The following IL13RA1 variants were observed in gnomAD, a reference collection of about 807,000 sequenced individuals.
IL13RA1 encodes interleukin 13 receptor subunit alpha 1, also known as interleukin-13 receptor subunit alpha-1.
A neutral mutation model predicts 33.8 loss-of-function variants in IL13RA1; 14 were observed. The observed-to-expected ratio is 0.41, with a 90% CI of 0.27 to 0.65. The LOEUF is 0.65. IL13RA1 is among the 30% of genes least tolerant of loss of function. The pLI is 0.28. For missense variants in IL13RA1, 313 were observed against 327.0 expected, an observed-to-expected ratio of 0.96 and a Z score of 0.33; for synonymous variants, 116 against 115.7, an observed-to-expected ratio of 1.00 and a Z score of -0.02.
intron 10 of IL13RA1, among the ~76,000 whole-genome samples, chrX:118,784,147 ACG>A (rs1304905139): frequency 1.6e-4 from 14 of 89,491 alleles, no homozygotes; most frequent in African/African-American, 2.1e-4. Context: ...ATATATATAT[ACG>A]TATATACACA....
chrX:118,739,749 T>G (rs2017321877), intron 1 of IL13RA1, among the ~76,000 whole-genome samples: 1 of 110,882 alleles, frequency 9.0e-6, no homozygotes, highest in African/African-American at 3.3e-5. Flanking sequence ...CTCTTCAGAT[T>G]AGTCAAAGCT....
intron 10 of IL13RA1, among the ~76,000 whole-genome samples, chrX:118,785,235 C>T (rs983546079): frequency 9.0e-6 from 1 of 110,715 alleles, no homozygotes. Context: ...ATAGCTGGGA[C>T]AGGCATGTGC....
chrX:118,800,011 T>G, the IL13RA1 span, among the ~76,000 whole-genome samples: 4 of 103,168 alleles, frequency 3.9e-5, no homozygotes, highest in South Asian at 4.7e-4. Flanking sequence ...CACCCTGTGT[T>G]TAGCTCAAGG....
Position 118,749,753 on chromosome X carries a change from G to A in IL13RA1, c.463G>A (p.Asp155Asn), listed in dbSNP as rs762448978. The stretch of plus-strand genomic sequence containing the variant: ...GCTCCCTGGAAGGAATACCAGTCCC[G>A]ACACTAACTATACTCTCTACTATTG... ...SWLPGRNTSP[D>N]TNYTLYYWHR... The change falls in exon 4 of 11, where the codon GAC (aspartate) becomes AAC (asparagine). Residue 155 changes from aspartate (D) to asparagine (N), a missense_variant. Transcript: ENST00000371666. The A allele has an allele frequency of 9.5e-6, 11 of 1,161,906 alleles. No individual in the cohort carries two copies. Among genetic ancestry groups the A allele is most frequent in the African/African-American group, 8.9e-5 (5 of 56,041 alleles).
the IL13RA1 span, among the ~76,000 whole-genome samples, chrX:118,804,079 C>T: frequency 8.4e-5 from 9 of 107,461 alleles, no homozygotes; most frequent in Non-Finnish European, 1.7e-4. Flanking sequence ...GCCTCAACCT[C>T]TCAAGTAGCT....
intron 10 of IL13RA1, among the ~76,000 whole-genome samples, chrX:118,787,173 T>C (rs1044794925): frequency 8.9e-6 from 1 of 111,761 alleles, no homozygotes; most frequent in Non-Finnish European, 1.9e-5. Context: ...CGTAAGTTCT[T>C]TTCTATTTTC....
At chrX:118,745,379 T>G (rs1039879446) in intron 2 of IL13RA1, among the ~76,000 whole-genome samples, 4 of 111,362 alleles carry the variant, frequency 3.6e-5, no homozygotes, top group African/African-American at 1.3e-4. Flanking sequence ...TGTATCACCC[T>G]CTTTTTCCTG....
chrX:118,803,978 CAG>C, the IL13RA1 span, among the ~76,000 whole-genome samples: 51 of 68,846 alleles, frequency 7.4e-4, no homozygotes, highest in African/African-American at 2.6e-3. Context: ...TTTTTTTTGA[CAG>C]AGTTTTGCTC....
chrX:118,793,264 G>C lies in IL13RA1; in HGVS notation c.*1410G>C, dbSNP rs2017996785. On this transcript the variant is annotated 3_prime_UTR_variant, in exon 11 of 11. Coordinates refer to ENST00000371666, the MANE Select transcript of IL13RA1 (RefSeq NM_001560.3). ...GCATATTTTGTAACTTCCATGTGAG[G>C]GTTTTCAGCATTGATATTTGTGCAT... 8.9e-6 allele frequency: 1 copy of C among 112,093 alleles called. No individual in the cohort carries two copies. The highest frequency in any genetic ancestry group is 1.9e-5 in the Non-Finnish European group (1 of 53,184). 9.2% of individuals were successfully genotyped at this position (112,093 alleles called of 1,213,427 possible).
chrX:118,736,533 GT>G (rs751053252), intron 1 of IL13RA1, among the ~76,000 whole-genome samples: 15 of 111,645 alleles, frequency 1.3e-4, no homozygotes, highest in African/African-American at 4.9e-4. Flanking sequence ...GTCTTCTCAG[GT>G]TTTTTTCTGG....
the IL13RA1 span, among the ~76,000 whole-genome samples, chrX:118,803,854 TTTCCTTCCTTCCTTCCTTCC>T: frequency 0.1 from 7,234 of 69,340 alleles, 393 homozygotes; most frequent in Admixed American, 0.15. Context: ...TGTTTTCTCT[TTTCCTTCCTTCCTTCCTTCC>T]TTCCTTCCTT....
At chrX:118,775,050 C>T (rs548843276) in intron 9 of IL13RA1, among the ~76,000 whole-genome samples, 8 of 111,190 alleles carry the variant, frequency 7.2e-5, no homozygotes, top group African/African-American at 2.6e-4. Flanking sequence ...ATAATAAATA[C>T]TATAATTTCA....
At chrX:118,772,448 G>A (rs1237037463) in intron 8 of IL13RA1, among the ~76,000 whole-genome samples, 1 of 112,182 alleles carries the variant, frequency 8.9e-6, no homozygotes, top group Non-Finnish European at 1.9e-5. Flanking sequence ...TTTGAATCTT[G>A]GAGATAATGT....
intron 3 of IL13RA1, among the ~76,000 whole-genome samples, chrX:118,748,005 T>G (rs866767618): frequency 2.3e-5 from 2 of 88,877 alleles, no homozygotes; most frequent in Non-Finnish European, 4.4e-5. Flanking sequence ...AGAGTGAATG[T>G]TGTGTGTGTG....
chrX:118,727,842 T>A (rs2017171597), intron 1 of IL13RA1, 116 bp downstream of exon 1: 1 of 280,514 alleles, frequency 3.6e-6, no homozygotes, highest in East Asian at 6.6e-5. Flanking sequence ...GGGTGGGTGC[T>A]GGGGGCTGCC....
At chrX:118,728,212 G>A (rs1344599876) in intron 1 of IL13RA1, among the ~76,000 whole-genome samples, 2 of 112,397 alleles carry the variant, frequency 1.8e-5, no homozygotes, top group African/African-American at 6.5e-5. Context: ...GCCCGAGGCC[G>A]CGCCAATCCT....
intron 5 of IL13RA1, among the ~76,000 whole-genome samples, chrX:118,759,134 C>G (rs183838833): frequency 8.9e-6 from 1 of 111,820 alleles, no homozygotes; most frequent in African/African-American, 3.2e-5. Flanking sequence ...TTAGAAAAAC[C>G]AGTATAGCCT....
chrX:118,794,199 A>G lies in IL13RA1; in HGVS notation c.*2345A>G, dbSNP rs182586170. The G allele has an allele frequency of 1.8e-5, 2 of 111,759 alleles. No individual in the cohort carries two copies. Among genetic ancestry groups the G allele is most frequent in the East Asian group, 2.8e-4 (1 of 3,571 alleles). 9.2% of individuals were successfully genotyped at this position (111,759 alleles called of 1,213,427 possible). ...GGGAAAAGGGAGGGAAAAGGAAGTT[A>G]TGGGAATACCTGTGGTGGTTGTGAT... On this transcript the variant is annotated 3_prime_UTR_variant, in exon 11 of 11. Transcript: ENST00000371666.
intron 5 of IL13RA1, among the ~76,000 whole-genome samples, chrX:118,759,866 G>A (rs770617790): frequency 9.9e-5 from 11 of 110,978 alleles, no homozygotes; most frequent in South Asian, 3.8e-4. Flanking sequence ...TTGACCTCCC[G>A]GGCTCAAGCT....
Sources: allele counts gnomAD v4.1 joint callset (sites outside exome capture counted in the v4.1 genomes callset), GRCh38; gene constraint gnomAD v4.1.1; transcripts MANE v1.5; gene names NCBI Gene and HGNC (gene_info 2026-07-23, HGNC 2026-07-21).